The following NCOR2 variants were observed in gnomAD, a reference collection of about 807,000 sequenced individuals.
The protein encoded by NCOR2 is CTG repeat protein 26.
In NCOR2, 81 loss-of-function variants were observed where a neutral mutation model predicts 262.9. The observed-to-expected ratio is 0.31, with a 90% confidence interval of 0.26 to 0.37. The LOEUF (loss-of-function observed/expected upper bound fraction) is 0.37. Ranked by LOEUF, NCOR2 falls within the 10% of genes least tolerant of loss-of-function variation. NCOR2 has a pLI of 1.00. For synonymous variants in NCOR2, 1,659 were observed against 1,559.3 expected (o/e 1.06, Z -1.51); for missense variants, 3,385 against 3,621.4 (o/e 0.93, Z 1.68).
At chr12:124,460,498 C>T (rs1241095063) in intron 5 of NCOR2, among the ~76,000 whole-genome samples, 1 of 152,236 alleles carries the variant, frequency 6.6e-6, no homozygotes, top group Non-Finnish European at 1.5e-5. Flanking sequence ...GCAGTGGGCA[C>T]TTTCTCCAGG....
intron 14 of NCOR2, among the ~76,000 whole-genome samples, 174 bp downstream of exon 16, chr12:124,402,230 T>C (rs2042022517): frequency 6.6e-6 from 1 of 151,612 alleles, no homozygotes; most frequent in African/African-American, 2.4e-5. Context: ...AGTAGGGCGA[T>C]GGGTGGGCTT....
rs915931079 is a variant in NCOR2 at position 124,389,696 on chromosome 12, C to T, written c.1877-3809G>A. Among the ~76,000 whole-genome samples, 1 of 152,126 alleles carries T rather than the reference C, an allele frequency of 6.6e-6. No individual in the cohort carries two copies. Among genetic ancestry groups the T allele is most frequent in the South Asian group, 2.1e-4 (1 of 4,822 alleles). On this transcript the variant is annotated intron_variant, in intron 16 of 46. Transcript: ENST00000405201. This position sits in a 1 kb window ranked among gnomAD's most constrained non-coding sequence, Gnocchi z 4.4. ...CTAGCCTCGCATTCCGGAGGGATCC[C>T]GGGATTTGAGGAGCCTTTGCAGGGT...
intron 13 of NCOR2, among the ~76,000 whole-genome samples, chr12:124,417,095 C>CGGAGAGCAGACCAGACACTCACTCCAT (rs2042927059): frequency 5.2e-5 from 6 of 115,262 alleles, no homozygotes; most frequent in African/African-American, 1.8e-4. Context: ...AGTCACTCCA[C>CGGAGAGCAGACCAGACACTCACTCCAT]GGAGAGCAGG....
At chr12:124,436,268 G>A (rs1030638564) in intron 8 of NCOR2, among the ~76,000 whole-genome samples, 22 of 152,194 alleles carry the variant, frequency 1.4e-4, no homozygotes, top group Non-Finnish European at 1.3e-4. Context: ...AGCCAGGCCT[G>A]CGCCTGGGAG....
chr12:124,428,085 G>GTGTGTGTGTGTGTGTGTGTGTGTA, intron 10 of NCOR2, among the ~76,000 whole-genome samples: 2 of 147,150 alleles, frequency 1.4e-5, no homozygotes, highest in Admixed American at 6.8e-5. Context: ...GTGTGTGTGT[G>GTGTGTGTGTGTGTGTGTGTGTGTA]TGTACATGCA....
chr12:124,427,155 G>A (rs1040626420), intron 10 of NCOR2, among the ~76,000 whole-genome samples: 8 of 152,178 alleles, frequency 5.3e-5, no homozygotes, highest in Admixed American at 1.3e-4. Context: ...CAGGGAGCCC[G>A]GGAGACAGGC....
intron 19 of NCOR2, among the ~76,000 whole-genome samples, chr12:124,373,486 A>G (rs967023108): frequency 2.9e-5 from 3 of 102,184 alleles, no homozygotes; most frequent in African/African-American, 8.8e-5. Context: ...CCCCGGGCAC[A>G]GTGGACAGTG....
chr12:124,477,146 T>C (rs941984573), intron 3 of NCOR2, among the ~76,000 whole-genome samples: 2 of 152,114 alleles, frequency 1.3e-5, no homozygotes, highest in East Asian at 3.9e-4. Flanking sequence ...CCAAATCTCA[T>C]CTTGAATTGT....
At chr12:124,543,340 A>T (rs2051436918) in intron 1 of NCOR2, among the ~76,000 whole-genome samples, 1 of 152,130 alleles carries the variant, frequency 6.6e-6, no homozygotes, top group African/African-American at 2.4e-5. Context: ...GCTGCAAAAA[A>T]CCATGACAAC....
chr12:124,496,614 A>G (rs1225348939), upstream of NCOR2, among the ~76,000 whole-genome samples: 1 of 152,108 alleles, frequency 6.6e-6, no homozygotes, highest in Non-Finnish European at 1.5e-5. This position sits in a 1 kb window ranked among gnomAD's most constrained non-coding sequence, Gnocchi z 4.4. Context: ...TCCTTCTCCA[A>G]GCAGGAAAGC....
chr12:124,490,910 G>A (rs1337323088), intron 1 of NCOR2, among the ~76,000 whole-genome samples: 2 of 152,258 alleles, frequency 1.3e-5, no homozygotes, highest in African/African-American at 4.8e-5. Flanking sequence ...CTGAGCCCCT[G>A]CGTCTGTGCA....
rs151185123 is a variant in NCOR2 at position 124,457,559 on chromosome 12, T to G, written c.706-397A>C. The stretch of plus-strand genomic sequence containing the variant: ...GGAAGCTGGTTGGGTTGTCTACAAT[T>G]ACCTCAGAGCTAGTGCAGCCAGCGA... On this transcript the variant is annotated intron_variant, in intron 5 of 46. Coordinates refer to ENST00000405201, the Ensembl canonical transcript of NCOR2. This position sits in a 1 kb window ranked among gnomAD's most constrained non-coding sequence, Gnocchi z 4.0. Among the ~76,000 whole-genome samples the G allele has an allele frequency of 6.6e-6, 1 of 152,146 alleles. No homozygotes were observed. The highest frequency in any genetic ancestry group is 1.9e-4 in the East Asian group (1 of 5,152).
Position 124,440,700 on chromosome 12 carries a change from A to C in NCOR2, c.816-2704T>G, listed in dbSNP as rs999956015. ...GACACTGACAATAAGCAAGATGACC[A>C]AGATAATCCTGGATTTGGGAACTTA... is the stretch of plus-strand genomic sequence containing the variant. On this transcript the variant is annotated intron_variant, in intron 7 of 46. Coordinates refer to ENST00000405201, the Ensembl canonical transcript of NCOR2. The surrounding 1 kb of genome is among the most constrained non-coding windows in gnomAD (Gnocchi z 5.7). 6.6e-6 allele frequency among the ~76,000 whole-genome samples: 1 copy of C among 152,236 alleles called. No homozygotes were observed. The highest frequency in any genetic ancestry group is 2.4e-5 in the African/African-American group (1 of 41,474).
chr12:124,418,116 T>C (rs981451444), intron 13 of NCOR2, among the ~76,000 whole-genome samples: 1 of 152,016 alleles, frequency 6.6e-6, no homozygotes, highest in Non-Finnish European at 1.5e-5. Context: ...GCTACGTCTT[T>C]GGAATACATG....
At chr12:124,372,901 C>T (rs553981457) in intron 19 of NCOR2, among the ~76,000 whole-genome samples, 38 of 152,266 alleles carry the variant, frequency 2.5e-4, no homozygotes, top group Admixed American at 7.8e-4. Flanking sequence ...TCAGCACCCC[C>T]GACAGATGGA....
At chr12:124,345,099 C>T in intron 31 of NCOR2, 148 bp from the exon 34 acceptor site, 1 of 754,478 alleles carries the variant, frequency 1.3e-6, no homozygotes, top group Non-Finnish European at 2.1e-6. Flanking sequence ...GAGGGCTTTG[C>T]TAACCCTGAG....
intron 4 of NCOR2, among the ~76,000 whole-genome samples, chr12:124,470,664 C>T (rs561860311): frequency 4.6e-5 from 7 of 152,296 alleles, no homozygotes; most frequent in South Asian, 4.1e-4. Context: ...AGTAGGGGAA[C>T]GGGGAGTGGC....
intron 16 of NCOR2, among the ~76,000 whole-genome samples, chr12:124,392,450 C>T (rs569284289): frequency 6.6e-6 from 1 of 152,166 alleles, no homozygotes; most frequent in Non-Finnish European, 1.5e-5. Flanking sequence ...TGGACGCGAG[C>T]CCCGAGGCAC....
At chr12:124,456,276 C>T (rs1264936076) in intron 6 of NCOR2, among the ~76,000 whole-genome samples, 1 of 152,226 alleles carries the variant, frequency 6.6e-6, no homozygotes, top group East Asian at 1.9e-4. Context: ...ATGTGGGTAG[C>T]ATATACCTTC....
Sources: allele counts gnomAD v4.1 joint callset (sites outside exome capture counted in the v4.1 genomes callset), GRCh38; gene constraint gnomAD v4.1.1; non-coding constraint Gnocchi (gnomAD v3.1); transcripts MANE v1.5; gene names NCBI Gene and HGNC (gene_info 2026-07-23, HGNC 2026-07-21).